The following FKBP3 variants were observed in gnomAD, a reference collection of about 807,000 sequenced individuals.
The protein encoded by FKBP3 is FKBP prolyl isomerase 3.
A neutral mutation model predicts 30.6 loss-of-function variants in FKBP3; 21 were observed. The ratio of observed to expected loss-of-function variants is 0.69; its 90% CI spans 0.49 to 0.99. The LOEUF is 0.99. FKBP3 is among the 50% of genes least tolerant of loss of function. The pLI, the probability that FKBP3 is intolerant of heterozygous loss-of-function variation, is 0.00. For synonymous variants in FKBP3, 82 were observed against 91.3 expected, an observed-to-expected ratio of 0.90 and a Z score of 0.58; for missense variants, 283 against 261.6, an observed-to-expected ratio of 1.08 and a Z score of -0.56.
Position 45,129,906 on chromosome 14 carries a change from A to G in FKBP3, c.211-5T>C. 6.3e-7 allele frequency: 1 copy of G among 1,592,220 alleles called. No homozygotes were observed. Among genetic ancestry groups the G allele is most frequent in the Non-Finnish European group, 8.6e-7 (1 of 1,164,086 alleles). ...ACTTTCAGTACCCTTAAAACGCTGTAAGGAAAATGTTGTAACATCATACCC... is the reference window on the plus strand; with the variant it reads ...ACTTTCAGTACCCTTAAAACGCTGTGAGGAAAATGTTGTAACATCATACCC... On this transcript the variant is annotated splice_polypyrimidine_tract_variant and splice_region_variant and intron_variant, in intron 2 of 6. Transcript: ENST00000396062.
intron 1 of FKBP3, among the ~76,000 whole-genome samples, chr14:45,132,002 CTT>C (rs1566709247): frequency 1.3e-5 from 2 of 152,288 alleles, no homozygotes; most frequent in South Asian, 4.1e-4. Context: ...ATTTCCATAA[CTT>C]CTTTGTTTCC....
intron 1 of FKBP3, among the ~76,000 whole-genome samples, chr14:45,133,771 A>T (rs1885282835): frequency 6.6e-6 from 1 of 152,230 alleles, no homozygotes; most frequent in African/African-American, 2.4e-5. Context: ...ACCACTGCAC[A>T]AGAGAAATGT....
intron 6 of FKBP3, among the ~76,000 whole-genome samples, chr14:45,117,483 T>C (rs1402509581): frequency 7.3e-6 from 1 of 136,998 alleles, no homozygotes; most frequent in Non-Finnish European, 1.5e-5. Flanking sequence ...CATTCCTTAT[T>C]TTTTTTTTAA....
intron 2 of FKBP3, among the ~76,000 whole-genome samples, chr14:45,130,119 A>G (rs1289652537): frequency 6.6e-6 from 1 of 152,226 alleles, no homozygotes; most frequent in African/African-American, 2.4e-5. Flanking sequence ...ACCAGCTTAC[A>G]ATATAAATTC....
chr14:45,133,168 T>C (rs961409395), intron 1 of FKBP3, among the ~76,000 whole-genome samples: 1 of 152,120 alleles, frequency 6.6e-6, no homozygotes, highest in Non-Finnish European at 1.5e-5. Context: ...GAAAATAAAA[T>C]ATAAGCTTCT....
rs1566704563 is a variant in FKBP3, at chr14:45,121,628, CAAAA to C, written c.319-12_319-9del. The C allele has an allele frequency of 2.5e-6, 4 of 1,609,400 alleles. No individual in the cohort carries two copies. The highest frequency in any genetic ancestry group is 2.5e-6 in the Non-Finnish European group (3 of 1,178,278). On this transcript the variant is annotated splice_polypyrimidine_tract_variant and intron_variant, in intron 3 of 6. Transcript: ENST00000396062. ...AGTATATTTTGGTGGACCCTAAAAA[CAAAA>C]AACAACACACACACACAGAGTTATT...
In FKBP3 at chr14:45,134,439, T is replaced by C. The variant is rs536915344; in HGVS notation, c.18A>G (p.Pro6=). ...GCTGCTCCACGGTCCACGCCCGCTG[T>C]GGAACGGCCGCCGCCATCTTCCCCC... MAAAV[P]QRAWTVEQLR... is the part of the protein sequence containing the mutation. The change falls in exon 1 of 7, where the codon CCA becomes CCG. Residue 6 remains proline, a synonymous_variant. Coordinates refer to ENST00000396062, the MANE Select transcript of FKBP3 (RefSeq NM_002013.4). The C allele has an allele frequency of 1.9e-6, 3 of 1,610,420 alleles. No individual in the cohort carries two copies. The South Asian group carries it at 3.3e-5, about 18-fold the overall frequency.
intron 3 of FKBP3, among the ~76,000 whole-genome samples, chr14:45,123,293 C>T (rs1205517868): frequency 1.3e-5 from 2 of 152,120 alleles, no homozygotes; most frequent in Non-Finnish European, 2.9e-5. Flanking sequence ...TCTTCACAAG[C>T]CTTCAACCTT....
chr14:45,126,404 C>T (rs1469810972), intron 3 of FKBP3, among the ~76,000 whole-genome samples: 8 of 151,930 alleles, frequency 5.3e-5, no homozygotes, highest in African/African-American at 1.9e-4. Context: ...AGGAGAACTG[C>T]TTGAACCCGG....
At chr14:45,116,467 G>C (rs541494531) in intron 6 of FKBP3, among the ~76,000 whole-genome samples, 3 of 151,036 alleles carry the variant, frequency 2.0e-5, no homozygotes, top group Admixed American at 6.6e-5. Context: ...ATTCTAGCTG[G>C]GGGGGGGTGG....
intron 1 of FKBP3, among the ~76,000 whole-genome samples, chr14:45,134,118 T>C (rs971658986): frequency 1.3e-5 from 2 of 152,148 alleles, no homozygotes; most frequent in Non-Finnish European, 1.5e-5. Context: ...AACTCTACAA[T>C]TGCAGCCTGT....
intron 3 of FKBP3, among the ~76,000 whole-genome samples, chr14:45,124,032 T>C (rs1031226799): frequency 6.6e-6 from 1 of 152,146 alleles, no homozygotes; most frequent in African/African-American, 2.4e-5. Context: ...TAATGTCCGA[T>C]TGTGTTTATC....
At chr14:45,123,135 G>A (rs1347701611) in intron 3 of FKBP3, among the ~76,000 whole-genome samples, 2 of 150,198 alleles carry the variant, frequency 1.3e-5, no homozygotes, top group South Asian at 2.1e-4. Flanking sequence ...GGAGGTTGCA[G>A]TGAGCCAAGA....
chr14:45,126,042 G>A (rs1885088858), intron 3 of FKBP3, among the ~76,000 whole-genome samples: 1 of 152,036 alleles, frequency 6.6e-6, no homozygotes, highest in Non-Finnish European at 1.5e-5. Context: ...GGGACTACAG[G>A]CACACACCAC....
intron 4 of FKBP3, 135 bp downstream of exon 4, chr14:45,121,350 G>C (rs2139078846): frequency 1.4e-6 from 1 of 692,052 alleles, no homozygotes. Context: ...CTTCCAAGTA[G>C]ATCTTGGGGG....
chr14:45,134,464 C>T lies in FKBP3; in HGVS notation c.-8G>A. On this transcript the variant is annotated 5_prime_UTR_variant, in exon 1 of 7. Transcript: ENST00000396062. ...TGGAACGGCCGCCGCCATCTTCCCCCGCTGCCTCCGCTTTACTGAGCCAGC... is the reference window on the plus strand; with the variant it reads ...TGGAACGGCCGCCGCCATCTTCCCCTGCTGCCTCCGCTTTACTGAGCCAGC... The T allele has an allele frequency of 1.2e-6, 2 of 1,609,094 alleles. No homozygotes were observed. Among genetic ancestry groups the T allele is most frequent in the Non-Finnish European group, 1.7e-6 (2 of 1,177,356 alleles).
chr14:45,127,953 G>A (rs1303336129), intron 3 of FKBP3, among the ~76,000 whole-genome samples: 1 of 152,138 alleles, frequency 6.6e-6, no homozygotes, highest in South Asian at 2.1e-4. Flanking sequence ...AAAAAGGGAC[G>A]CAAAGATTCA....
chr14:45,123,760 C>T (rs1362449897), intron 3 of FKBP3, among the ~76,000 whole-genome samples: 3 of 151,388 alleles, frequency 2.0e-5, no homozygotes, highest in Admixed American at 6.6e-5. Flanking sequence ...GGAGTACAGG[C>T]GCCCGCCACC....
At chr14:45,123,078 A>G (rs749824351) in intron 3 of FKBP3, among the ~76,000 whole-genome samples, 11 of 151,536 alleles carry the variant, frequency 7.3e-5, no homozygotes, top group Non-Finnish European at 1.3e-4. Flanking sequence ...CTGTAATCCC[A>G]GCTACTCGGG....
Sources: allele counts gnomAD v4.1 joint callset (sites outside exome capture counted in the v4.1 genomes callset), GRCh38; gene constraint gnomAD v4.1.1; transcripts MANE v1.5; gene names NCBI Gene and HGNC (gene_info 2026-07-23, HGNC 2026-07-21).